Variants in UCN3 observed in about 807,000 individuals in gnomAD.
The protein encoded by UCN3 is urocortin-3.
Under a neutral mutation model 3.6 loss-of-function variants are expected in UCN3, and 3 were observed. The ratio of observed to expected loss-of-function variants is 0.83; its 90% CI spans 0.38 to 2.15. The LOEUF is 2.15. Ranked by LOEUF, UCN3 falls within the 30% of genes most tolerant of loss-of-function variation. The pLI, the probability that UCN3 is intolerant of heterozygous loss-of-function variation, is 0.06. For synonymous variants in UCN3, 100 were observed against 93.2 expected (o/e 1.07, Z -0.42); for missense variants, 206 against 208.3 (o/e 0.99, Z 0.07).
rs1435330517 is a variant in UCN3 at position 5,370,905 on chromosome 10, A to ATG, written c.-6-2809_-6-2808dup. Among the ~76,000 whole-genome samples the ATG allele has an allele frequency of 1.5e-5, 2 of 133,782 alleles. 1 individual carries two copies. The highest frequency in any genetic ancestry group is 6.3e-5 in the African/African-American group (2 of 31,586). The allele number at this position is 133,782 out of a possible 152,430, so 87.8% of individuals were successfully genotyped here. ...TATGCGTGTGTATATGCGTGTGTAT[A>ATG]TGCGTGTGTATATGCGTGTGTATAT... is the stretch of plus-strand genomic sequence containing the variant. On this transcript the variant is annotated intron_variant, in intron 1 of 1. Transcript: ENST00000380433.
At chr10:5,371,017 A>G (rs1054039309) in intron 1 of UCN3, among the ~76,000 whole-genome samples, 3 of 148,876 alleles carry the variant, frequency 2.0e-5, no homozygotes, top group African/African-American at 7.7e-5. Flanking sequence ...GTGTGCATAT[A>G]TATACGTGTG....
chr10:5,368,622 T>C (rs887026565), intron 1 of UCN3, among the ~76,000 whole-genome samples: 7 of 152,180 alleles, frequency 4.6e-5, no homozygotes, highest in African/African-American at 1.7e-4. Flanking sequence ...CCCCCCAGTA[T>C]TAACCTTTCC....
chr10:5,369,670 T>C (rs1831305710), intron 1 of UCN3, among the ~76,000 whole-genome samples: 1 of 152,222 alleles, frequency 6.6e-6, no homozygotes, highest in Non-Finnish European at 1.5e-5. Flanking sequence ...TCTCATAAAT[T>C]ATGAAAAATA....
rs1347760472 is a variant in UCN3, at chr10:5,370,149, GTA to G, written c.-6-3562_-6-3561del. Reference sequence around the variant, plus strand: ...TGTGTGTATGTGTGTGTATGCGTGTGTATATGTGTGTGTATATGTGTGTGTAT... The same window carrying G: ...TGTGTGTATGTGTGTGTATGCGTGTGTATGTGTGTGTATATGTGTGTGTAT... On this transcript the variant is annotated intron_variant, in intron 1 of 1. Transcript: ENST00000380433. Among the ~76,000 whole-genome samples the G allele has an allele frequency of 1.2e-4, 8 of 68,416 alleles. 2 individuals are homozygous for G. The highest frequency in any genetic ancestry group is 2.7e-4 in the Admixed American group (2 of 7,424). 44.9% of individuals were successfully genotyped at this position (68,416 alleles called of 152,430 possible). A position where few individuals can be genotyped will look rare whatever the true frequency, so the allele number is the denominator to read the frequency against.
rs1831414957 is a variant in UCN3, at chr10:5,370,959, T to A, written c.-6-2756T>A. ...TGTTCATGTGTATGTGTGTAAGGTG[T>A]GTGTGTGTGTATGTATGTACATGTG... On this transcript the variant is annotated intron_variant, in intron 1 of 1. Coordinates refer to ENST00000380433, the MANE Select transcript of UCN3 (RefSeq NM_053049.4). Among the ~76,000 whole-genome samples, 2 of 124,182 alleles carry A rather than the reference T, an allele frequency of 1.6e-5. 1 individual carries two copies. Among genetic ancestry groups the A allele is most frequent in the South Asian group, 5.0e-4 (2 of 4,036 alleles). 81.5% of individuals were successfully genotyped at this position (124,182 alleles called of 152,430 possible).
At chr10:5,370,780 T>TGTGTGTGTATGC (rs1554811364) in intron 1 of UCN3, among the ~76,000 whole-genome samples, 7 of 115,656 alleles carry the variant, frequency 6.1e-5, no homozygotes, top group African/African-American at 2.5e-4. Flanking sequence ...TGTATATGCG[T>TGTGTGTGTATGC]GTGTGTGTGT....
chr10:5,368,917 G>A (rs1332706735), intron 1 of UCN3, among the ~76,000 whole-genome samples: 23 of 152,166 alleles, frequency 1.5e-4, no homozygotes. Context: ...AGAGCACGCA[G>A]AGCAGCGGTT....
chr10:5,370,216 T>C (rs1424990420), intron 1 of UCN3, among the ~76,000 whole-genome samples: 1 of 100,064 alleles, frequency 1.0e-5, no homozygotes, highest in Non-Finnish European at 1.9e-5. Context: ...TGTGTATGTG[T>C]GTGTATGTGC....
intron 1 of UCN3, among the ~76,000 whole-genome samples, chr10:5,371,727 G>T (rs1831430958): frequency 6.6e-6 from 1 of 152,280 alleles, no homozygotes; most frequent in Non-Finnish European, 1.5e-5. Context: ...GGAACAAAAT[G>T]ACCCAATGCC....
At position 5,373,753 on chromosome 10, in the gene UCN3, G is replaced by T; in HGVS notation, c.33G>T (p.Leu11=). 2 of 1,613,768 alleles carry T rather than the reference G, an allele frequency of 1.2e-6. No individual in the cohort carries two copies. Among genetic ancestry groups the T allele is most frequent in the Non-Finnish European group, 1.7e-6 (2 of 1,179,892 alleles). The change falls in exon 2 of 2, where the codon CTG becomes CTT. Residue 11 remains leucine (L), a synonymous_variant. Transcript: ENST00000380433. MLMPVHFLLL[L]LLLLGGPRTG... The stretch of plus-strand genomic sequence containing the variant: ...TGCCGGTCCACTTCCTGCTGCTCCT[G>T]CTGCTGCTCCTGGGGGGCCCCAGGA...
intron 1 of UCN3, among the ~76,000 whole-genome samples, chr10:5,369,978 CGTGTGTATATGT>C (rs1831326355): frequency 2.1e-4 from 3 of 14,384 alleles, no homozygotes; most frequent in African/African-American, 3.7e-4. Context: ...TGTGTATATG[CGTGTGTATATGT>C]GTGTATGTGT....
rs1451016392 is a variant in UCN3 at position 5,370,055 on chromosome 10, G to A, written c.-6-3660G>A. Among the ~76,000 whole-genome samples the A allele has an allele frequency of 8.2e-3, 505 of 61,622 alleles. 97 individuals are homozygous for A. Among genetic ancestry groups the A allele is most frequent in the Non-Finnish European group, 0.013 (348 of 27,330 alleles). 40.4% of individuals were successfully genotyped at this position (61,622 alleles called of 152,430 possible). ...TATGCGTGTGTATATGCGTGTGTAT[G>A]TGTGTGTATATGTGTGTATATGCGT... On this transcript the variant is annotated intron_variant, in intron 1 of 1. Transcript: ENST00000380433.
chr10:5,371,805 T>C (rs1052630010), intron 1 of UCN3, among the ~76,000 whole-genome samples: 1 of 152,218 alleles, frequency 6.6e-6, no homozygotes, highest in African/African-American at 2.4e-5. Context: ...TCTTATTTAT[T>C]TTGAAAAACT....
rs1554811754 is a variant in UCN3, at chr10:5,373,741, CCTGCTGCTCCTG to C, written c.34_45del (p.Leu12_Leu15del). On this transcript the variant is annotated inframe_deletion, in exon 2 of 2. Coordinates refer to ENST00000380433, the MANE Select transcript of UCN3 (RefSeq NM_053049.4). ...GAGAGATGCTGATGCCGGTCCACTTCCTGCTGCTCCTGCTGCTGCTCCTGGGGGGCCCCAGGA... is the reference window on the plus strand; with the variant it reads ...GAGAGATGCTGATGCCGGTCCACTTCCTGCTGCTCCTGGGGGGCCCCAGGA... 2.5e-6 allele frequency: 4 copies of C among 1,613,654 alleles called. No homozygotes were observed. Among genetic ancestry groups the C allele is most frequent in the African/African-American group, 1.3e-5 (1 of 74,860 alleles).
chr10:5,373,069 C>G (rs1255503768), intron 1 of UCN3, among the ~76,000 whole-genome samples: 1 of 152,134 alleles, frequency 6.6e-6, no homozygotes, highest in African/African-American at 2.4e-5. Context: ...CTGGATGATA[C>G]TTGGTCTGAC....
At chr10:5,370,431 GTA>G (rs1554811222) in intron 1 of UCN3, among the ~76,000 whole-genome samples, 3 of 114,964 alleles carry the variant, frequency 2.6e-5, no homozygotes, top group Non-Finnish European at 3.5e-5. Context: ...ATATGCGTGT[GTA>G]TATGCGTGTG....
chr10:5,372,654 ATCC>A (rs1831446200), intron 1 of UCN3, among the ~76,000 whole-genome samples: 1 of 151,714 alleles, frequency 6.6e-6, no homozygotes, highest in Non-Finnish European at 1.5e-5. Flanking sequence ...AGCTCGAGCA[ATCC>A]TCCTGCCTCA....
chr10:5,370,799 G>GTA (rs1448127517), intron 1 of UCN3, among the ~76,000 whole-genome samples: 2 of 141,768 alleles, frequency 1.4e-5, no homozygotes, highest in African/African-American at 5.6e-5. Flanking sequence ...GTATGCGTGT[G>GTA]TATATGTGTG....
chr10:5,366,822 A>G lies in UCN3; in HGVS notation c.-7+1592A>G, dbSNP rs1834121823. On this transcript the variant is annotated intron_variant, in intron 1 of 1. Coordinates refer to ENST00000380433, the MANE Select transcript of UCN3 (RefSeq NM_053049.4). The surrounding 1 kb of genome is among the most constrained non-coding windows in gnomAD (Gnocchi z 4.2). Reference sequence around the variant, plus strand: ...GGGGACACCTTTCAATACCCTCACAACCGTGTGCAGGCTAGAGCTGAGGGT... The same window carrying G: ...GGGGACACCTTTCAATACCCTCACAGCCGTGTGCAGGCTAGAGCTGAGGGT... Among the ~76,000 whole-genome samples, 1 of 152,154 alleles carries G rather than the reference A, an allele frequency of 6.6e-6. No homozygotes were observed. Among genetic ancestry groups the G allele is most frequent in the South Asian group, 2.1e-4 (1 of 4,826 alleles).
Sources: allele counts gnomAD v4.1 joint callset (sites outside exome capture counted in the v4.1 genomes callset), GRCh38; gene constraint gnomAD v4.1.1; non-coding constraint Gnocchi (gnomAD v3.1); transcripts MANE v1.5; gene names NCBI Gene and HGNC (gene_info 2026-07-23, HGNC 2026-07-21).